The following EDDM3A variants were observed in gnomAD, a reference collection of about 807,000 sequenced individuals.
The protein encoded by EDDM3A is epididymal secretory protein E3-alpha.
For synonymous variants in EDDM3A, 75 were observed against 60.4 expected (o/e 1.24, Z -1.12); for missense variants, 199 against 177.4 (o/e 1.12, Z -0.69).
the EDDM3A span, among the ~76,000 whole-genome samples, chr14:20,736,572 G>A: frequency 6.6e-6 from 1 of 152,176 alleles, no homozygotes; most frequent in Admixed American, 6.5e-5. Context: ...GCTTATGGTA[G>A]TTGCTCAGTA....
chr14:20,737,098 G>C, the EDDM3A span, among the ~76,000 whole-genome samples: 1 of 145,262 alleles, frequency 6.9e-6, no homozygotes, highest in Non-Finnish European at 1.5e-5. Flanking sequence ...TTGTTGCCCA[G>C]GCTGGAGTGC....
chr14:20,747,741 T>A lies in EDDM3A; in HGVS notation c.161T>A (p.Met54Lys). 1.2e-6 allele frequency: 2 copies of A among 1,614,150 alleles called. No homozygotes were observed. The highest frequency in any genetic ancestry group is 1.1e-5 in the South Asian group (1 of 91,090). The change falls in exon 2 of 2, where the codon ATG becomes AAG. Residue 54 changes from methionine (M) to lysine (K), a missense_variant. Physicochemically the swap from Met to Lys is moderately conservative, Grantham distance 95 (BLOSUM62 -1). Coordinates refer to ENST00000326842, the MANE Select transcript of EDDM3A (RefSeq NM_006683.5). ...AAAGAGTACAAATGTGATGTCCTCA[T>A]GAGAGAAAAAGAGGCTCTGAAAGGC... ...EFKEYKCDVLMREKEALKGKS... is the reference protein window; with the variant it reads ...EFKEYKCDVLKREKEALKGKS...
In EDDM3A at chr14:20,748,021, C is replaced by A; in HGVS notation, c.441C>A (p.Asn147Lys). Residue 147 changes from asparagine to lysine, a missense_variant, in exon 2 of 2, where the codon AAC (asparagine) becomes AAA (lysine). Physicochemically the swap from Asn to Lys is moderately conservative, Grantham distance 94. Coordinates refer to ENST00000326842, the MANE Select transcript of EDDM3A (RefSeq NM_006683.5). ...TGAGGATTATAGAACCTATCAGCAA[C>A]TAGAAAGTCTATGCACATCCTCAGA... ...EDLRIIEPISN is the reference protein window; with the variant it reads ...EDLRIIEPISK The A allele has an allele frequency of 6.3e-7, 1 of 1,592,350 alleles. No homozygotes were observed. The highest frequency in any genetic ancestry group is 1.1e-5 in the South Asian group (1 of 87,400).
At chr14:20,744,020 C>G (rs961239495), upstream of EDDM3A, among the ~76,000 whole-genome samples, 2 of 152,134 alleles carry the variant, frequency 1.3e-5, no homozygotes, top group African/African-American at 4.8e-5. Flanking sequence ...GCTTCTCTCT[C>G]CCACCTCTCT....
rs1566349748 is a variant in EDDM3A, at chr14:20,747,610, A to G, written c.30A>G (p.Ile10Met). The G allele has an allele frequency of 6.2e-7, 1 of 1,610,386 alleles. No individual in the cohort carries two copies. Among genetic ancestry groups the G allele is most frequent in the Non-Finnish European group, 8.5e-7 (1 of 1,177,944 alleles). The part of the protein sequence containing the change: MTSSLKIWG[I>M]LLALLCILCR... The stretch of plus-strand genomic sequence containing the variant: ...CATCCTCTCTAAAGATTTGGGGCAT[A>G]CTCTTGGCCCTGCTTTGCATCCTTT... The change falls in exon 2 of 2, where the codon ATA (isoleucine) becomes ATG (methionine). Residue 10 changes from isoleucine to methionine, a missense_variant. By Grantham distance (10) the Ile-to-Met change is conservative. Transcript: ENST00000326842.
chr14:20,737,251 T>C, the EDDM3A span, among the ~76,000 whole-genome samples: 1 of 152,066 alleles, frequency 6.6e-6, no homozygotes, highest in South Asian at 2.1e-4. Context: ...AGATGGGGTT[T>C]CGCCATGTTG....
upstream of EDDM3A, among the ~76,000 whole-genome samples, chr14:20,742,717 G>T (rs1877471154): frequency 6.6e-6 from 1 of 151,976 alleles, no homozygotes; most frequent in Non-Finnish European, 1.5e-5. Context: ...TTCCCAAGTA[G>T]CTGAGGTTAC....
At chr14:20,739,889 A>G in the EDDM3A span, among the ~76,000 whole-genome samples, 1 of 152,146 alleles carries the variant, frequency 6.6e-6, no homozygotes, top group African/African-American at 2.4e-5. Flanking sequence ...AAACTCACAA[A>G]CAAGAATCGT....
At chr14:20,742,305 TA>T (rs1877458732), upstream of EDDM3A, among the ~76,000 whole-genome samples, 1 of 152,230 alleles carries the variant, frequency 6.6e-6, no homozygotes, top group Non-Finnish European at 1.5e-5. Context: ...TCTTAAACAA[TA>T]CCACCTGAGA....
the EDDM3A span, among the ~76,000 whole-genome samples, chr14:20,737,853 T>A: frequency 1.3e-5 from 2 of 152,184 alleles, no homozygotes; most frequent in Non-Finnish European, 2.9e-5. Flanking sequence ...AAGTAAGAAA[T>A]GCTTGCTTCA....
At chr14:20,747,030 TTATC>T (rs1877612324) in intron 1 of EDDM3A, among the ~76,000 whole-genome samples, 2 of 115,630 alleles carry the variant, frequency 1.7e-5, no homozygotes, top group Non-Finnish European at 3.5e-5. Context: ...AAAAGGTACT[TTATC>T]TATATTTTCC....
At chr14:20,739,160 T>G in the EDDM3A span, among the ~76,000 whole-genome samples, 1 of 152,218 alleles carries the variant, frequency 6.6e-6, no homozygotes, top group Non-Finnish European at 1.5e-5. Context: ...CTCACAAATT[T>G]CTCATGTAAG....
At position 20,747,574 on chromosome 14, in the gene EDDM3A, G is replaced by A; in HGVS notation, c.-7G>A. 1 of 1,590,828 alleles carries A rather than the reference G, an allele frequency of 6.3e-7. No individual in the cohort carries two copies. The highest frequency in any genetic ancestry group is 1.7e-4 in the Middle Eastern group (1 of 5,912). On this transcript the variant is annotated 5_prime_UTR_variant, in exon 2 of 2. Transcript: ENST00000326842. ...CTGTAGACACGCAGGTGGACGTGGTGACTGAGATGACATCCTCTCTAAAGA... is the reference window on the plus strand; with the variant it reads ...CTGTAGACACGCAGGTGGACGTGGTAACTGAGATGACATCCTCTCTAAAGA...
chr14:20,742,092 G>T (rs933709711), upstream of EDDM3A, among the ~76,000 whole-genome samples: 2 of 152,156 alleles, frequency 1.3e-5, no homozygotes, highest in Admixed American at 6.5e-5. Flanking sequence ...CAGGATGGGT[G>T]AATATTACAG....
chr14:20,741,750 G>A (rs981574651), upstream of EDDM3A, among the ~76,000 whole-genome samples: 1 of 152,158 alleles, frequency 6.6e-6, no homozygotes, highest in East Asian at 1.9e-4. Flanking sequence ...GATGGGGCCC[G>A]AGGGCAGCCT....
the EDDM3A span, among the ~76,000 whole-genome samples, chr14:20,738,580 A>G: frequency 0.44 from 67,617 of 151,952 alleles, 15,278 homozygotes; most frequent in East Asian, 0.71. Flanking sequence ...TTTGATAAAT[A>G]CTCTTCAAAA....
upstream of EDDM3A, among the ~76,000 whole-genome samples, chr14:20,743,217 A>G (rs924627895): frequency 6.6e-6 from 1 of 152,232 alleles, no homozygotes; most frequent in African/African-American, 2.4e-5. Context: ...TTTGTGAAAC[A>G]GTAGTTCACA....
Position 20,748,248 on chromosome 14 carries a change from A to C in EDDM3A, c.*224A>C. ...CCTAATTTGCCTAATTTACACCCAC[A>C]TTTTTTCCAAGATTCAGCTCATATG... On this transcript the variant is annotated 3_prime_UTR_variant, in exon 2 of 2. Transcript: ENST00000326842. 2.2e-6 allele frequency: 1 copy of C among 450,224 alleles called. No individual in the cohort carries two copies. Among genetic ancestry groups the C allele is most frequent in the Admixed American group, 4.0e-5 (1 of 24,870 alleles). The allele number at this position is 450,224 out of a possible 1,614,324, so 27.9% of individuals were successfully genotyped here. A position where few individuals can be genotyped will look rare whatever the true frequency, so the allele number is the denominator to read the frequency against.
the EDDM3A span, among the ~76,000 whole-genome samples, chr14:20,739,412 G>A: frequency 6.6e-6 from 1 of 152,072 alleles, no homozygotes; most frequent in African/African-American, 2.4e-5. Context: ...ATTTCCTTAG[G>A]GACCTGTCTT....
Sources: allele counts gnomAD v4.1 joint callset (sites outside exome capture counted in the v4.1 genomes callset), GRCh38; gene constraint gnomAD v4.1.1; transcripts MANE v1.5; gene names NCBI Gene and HGNC (gene_info 2026-07-23, HGNC 2026-07-21).